Variants in ERBB4 observed in about 807,000 individuals in gnomAD.
The protein encoded by ERBB4 is erb-b2 receptor tyrosine kinase 4.
ERBB4 carries 42 observed loss-of-function variants against 158.0 expected under a neutral mutation model. That is an observed-to-expected ratio of 0.27 (90% CI 0.21 to 0.34). ERBB4 has a LOEUF of 0.34. Among genes scored for constraint, ERBB4 ranks in the 10% least tolerant of loss-of-function variants. The pLI is 1.00. For synonymous variants in ERBB4, 583 were observed against 558.7 expected (o/e 1.04, Z -0.61); for missense variants, 1,333 against 1,624.1 (o/e 0.82, Z 3.08).
intron 7 of ERBB4, among the ~76,000 whole-genome samples, chr2:211,720,149 A>T (rs2074048481): frequency 6.6e-6 from 1 of 152,174 alleles, no homozygotes; most frequent in African/African-American, 2.4e-5. Context: ...CCGGTAACCG[A>T]TGCATTTTTA....
chr2:211,643,053 C>G (rs545606106), intron 16 of ERBB4, among the ~76,000 whole-genome samples: 1 of 152,074 alleles, frequency 6.6e-6, no homozygotes, highest in Non-Finnish European at 1.5e-5. Context: ...ATCCCTCACC[C>G]TCACCACACT....
chr2:211,469,014 T>G (rs973781993), intron 20 of ERBB4, among the ~76,000 whole-genome samples: 11 of 151,696 alleles, frequency 7.3e-5, no homozygotes, highest in Non-Finnish European at 1.2e-4. Flanking sequence ...GACAGCCCTC[T>G]GGAGGGCCTG....
At chr2:211,568,675 T>G (rs929124928) in intron 19 of ERBB4, among the ~76,000 whole-genome samples, 4 of 152,018 alleles carry the variant, frequency 2.6e-5, no homozygotes, top group African/African-American at 7.2e-5. Flanking sequence ...ATAGGGAAGA[T>G]TAAAAGAGAG....
chr2:211,721,044 T>C (rs1360435616), intron 7 of ERBB4, among the ~76,000 whole-genome samples: 1 of 152,138 alleles, frequency 6.6e-6, no homozygotes, highest in East Asian at 1.9e-4. Context: ...TGTGCTTCCC[T>C]TTGGAAATCT....
intron 3 of ERBB4, among the ~76,000 whole-genome samples, chr2:211,938,966 T>C (rs2080406974): frequency 6.6e-6 from 1 of 152,316 alleles, no homozygotes; most frequent in Non-Finnish European, 1.5e-5. Context: ...TAAAAAGCCA[T>C]AGCTGAATGA....
intron 3 of ERBB4, among the ~76,000 whole-genome samples, chr2:211,810,822 G>A (rs948581522): frequency 6.6e-5 from 10 of 151,740 alleles, no homozygotes; most frequent in Non-Finnish European, 8.8e-5. Context: ...ACAGGCGCCC[G>A]CCACCGCGCC....
chr2:211,508,983 A>C (rs1449846231), intron 20 of ERBB4, among the ~76,000 whole-genome samples: 3 of 152,114 alleles, frequency 2.0e-5, no homozygotes, highest in Non-Finnish European at 4.4e-5. Flanking sequence ...TCACATATAC[A>C]GCATGGAATA....
At chr2:212,286,835 T>C (rs2086003465) in intron 1 of ERBB4, among the ~76,000 whole-genome samples, 1 of 137,228 alleles carries the variant, frequency 7.3e-6, no homozygotes. Flanking sequence ...GTTCCCCAAC[T>C]TCTGAACTCA....
chr2:211,484,108 C>A (rs553014116), intron 20 of ERBB4, among the ~76,000 whole-genome samples: 3 of 151,942 alleles, frequency 2.0e-5, no homozygotes, highest in African/African-American at 7.2e-5. Context: ...TAAAGATAGA[C>A]TGATAAATTA....
intron 19 of ERBB4, among the ~76,000 whole-genome samples, chr2:211,595,372 A>G (rs1044770829): frequency 6.6e-6 from 1 of 152,116 alleles, no homozygotes; most frequent in Non-Finnish European, 1.5e-5. Flanking sequence ...GATGTACTAG[A>G]AAAAAATCAC....
chr2:212,188,842 G>A (rs1014816030), intron 1 of ERBB4, among the ~76,000 whole-genome samples: 9 of 152,082 alleles, frequency 5.9e-5, no homozygotes, highest in African/African-American at 2.2e-4. Context: ...TTCATTATAA[G>A]CTACATGAGA....
chr2:211,962,667 C>A (rs180742184), intron 2 of ERBB4, among the ~76,000 whole-genome samples: 36 of 152,176 alleles, frequency 2.4e-4, no homozygotes, highest in African/African-American at 8.7e-4. Context: ...AAACTTGTTG[C>A]CAGGCAAGAG....
At chr2:211,686,227 T>C (rs903186476) in intron 12 of ERBB4, among the ~76,000 whole-genome samples, 33 of 152,270 alleles carry the variant, frequency 2.2e-4, no homozygotes, top group Middle Eastern at 3.4e-3. Flanking sequence ...AAGCATAATG[T>C]TAGCTGTAGG....
At chr2:212,192,049 T>G (rs1451003975) in intron 1 of ERBB4, among the ~76,000 whole-genome samples, 1 of 43,930 alleles carries the variant, frequency 2.3e-5, no homozygotes, top group Non-Finnish European at 5.8e-5. Flanking sequence ...TATATATATG[T>G]TATATGTTAT....
intron 1 of ERBB4, among the ~76,000 whole-genome samples, chr2:212,192,008 A>C (rs1447108402): frequency 3.0e-5 from 2 of 65,950 alleles, no homozygotes; most frequent in Non-Finnish European, 7.9e-5. Flanking sequence ...GTTATATATA[A>C]TATATGTTAT....
Position 212,124,940 on chromosome 2 carries a change from C to A in ERBB4, c.83-37G>T, listed in dbSNP as rs755436857. The A allele has an allele frequency of 3.1e-6, 5 of 1,610,376 alleles. No individual in the cohort carries two copies. In the Admixed American group the frequency reaches 8.3e-5, roughly 27 times the overall value. On this transcript the variant is annotated intron_variant, in intron 1 of 27. Transcript: ENST00000342788. ...AGAAGATACACGTGAAATTACATAA[C>A]CTTTATATGATATGCGCAATGATAA...
chr2:212,538,441 G>A lies in ERBB4; in HGVS notation c.82+8C>T, dbSNP rs200527371. 1.0e-4 allele frequency: 163 copies of A among 1,613,624 alleles called. No individual in the cohort carries two copies. The East Asian group carries it at 1.2e-3, about 12-fold the overall frequency. On this transcript the variant is annotated splice_region_variant and intron_variant, in intron 1 of 27. Coordinates refer to ENST00000342788, the MANE Select transcript of ERBB4 (RefSeq NM_005235.3). ...GGTTCGGCGACCGGAGTGCCAGAAG[G>A]AACCCACCTGACTGAGAATCGCTGG... is the stretch of plus-strand genomic sequence containing the variant.
chr2:211,415,205 C>T (rs1326349028), intron 25 of ERBB4, among the ~76,000 whole-genome samples: 1 of 150,234 alleles, frequency 6.7e-6, no homozygotes, highest in East Asian at 2.0e-4. Flanking sequence ...CAAGCTCCGC[C>T]TCCCGGGTTC....
chr2:211,544,347 C>G (rs1211701216), intron 20 of ERBB4, among the ~76,000 whole-genome samples: 2 of 151,758 alleles, frequency 1.3e-5, no homozygotes, highest in Admixed American at 6.6e-5. Context: ...AGCTTTTTTC[C>G]AATCATTTAA....
Sources: allele counts gnomAD v4.1 joint callset (sites outside exome capture counted in the v4.1 genomes callset), GRCh38; gene constraint gnomAD v4.1.1; transcripts MANE v1.5; gene names NCBI Gene and HGNC (gene_info 2026-07-23, HGNC 2026-07-21).